Variants in PRRC2A observed in about 807,000 individuals in gnomAD.
PRRC2A encodes the protein protein PRRC2A.
A neutral mutation model predicts 224.6 loss-of-function variants in PRRC2A; 59 were observed. The observed-to-expected ratio is 0.26, with a 90% CI of 0.21 to 0.33. The LOEUF (loss-of-function observed/expected upper bound fraction) is 0.33. Ranked by LOEUF, PRRC2A falls within the 10% of genes least tolerant of loss-of-function variation. The probability of loss-of-function intolerance (pLI) is 1.00; values close to 1 mark genes in which losing one functional copy is unlikely to be tolerated. For synonymous variants in PRRC2A, 1,194 were observed against 1,109.5 expected (o/e 1.08, Z -1.51); for missense variants, 3,095 against 2,880.7 (o/e 1.07, Z -1.70).
rs1421060507 is a variant in PRRC2A at position 31,631,143 on chromosome 6, G to C, written c.2470G>C (p.Glu824Gln). ...TCTTTCTGTCTGTCTCTTCAGGAGCGAGACTCCTCCAGTACCTCCCCCACC... is the reference window on the plus strand; with the variant it reads ...TCTTTCTGTCTGTCTCTTCAGGAGCCAGACTCCTCCAGTACCTCCCCCACC... Reference protein sequence around the residue: ...ADEDDKGMRSETPPVPPPPPY... With the variant: ...ADEDDKGMRSQTPPVPPPPPY... The change falls in exon 16 of 31, where the codon GAG (glutamate) becomes CAG (glutamine). Residue 824 changes from glutamate (E) to glutamine (Q), a missense_variant. Around this residue, in one of 8 missense-constraint regions of PRRC2A, gnomAD observed 2,001 missense variants for 1,764.9 expected, o/e 1.13. Transcript: ENST00000376033. The surrounding 1 kb of genome is among the most constrained non-coding windows in gnomAD (Gnocchi z 4.5). 6.6e-7 allele frequency: 1 copy of C among 1,505,854 alleles called. No homozygotes were observed. Among genetic ancestry groups the C allele is most frequent in the Non-Finnish European group, 8.9e-7 (1 of 1,120,846 alleles). 93.3% of individuals were successfully genotyped at this position (1,505,854 alleles called of 1,614,324 possible).
At position 31,637,036 on chromosome 6, in the gene PRRC2A, C is replaced by T; in HGVS notation, c.6148-6C>T. Reference sequence around the variant, plus strand: ...GGTAGGCAGCTCATGATTTTTTTCCCCTCAGCTGCATCCAGTGGAACTAAA... The same window carrying T: ...GGTAGGCAGCTCATGATTTTTTTCCTCTCAGCTGCATCCAGTGGAACTAAA... On this transcript the variant is annotated splice_region_variant and splice_polypyrimidine_tract_variant and intron_variant, in intron 28 of 30. Transcript: ENST00000376033. The T allele has an allele frequency of 6.3e-7, 1 of 1,597,296 alleles. No individual in the cohort carries two copies. The highest frequency in any genetic ancestry group is 8.5e-7 in the Non-Finnish European group (1 of 1,171,818).
Position 31,627,155 on chromosome 6 carries a change from A to T in PRRC2A, c.1247A>T (p.His416Leu). ...CCAAAGCCTCCCCTACCCCCACCTC[A>T]CCGGGGCCCCGCCGGGAACTGGGGC... Reference protein sequence around the residue: ...PAPKPPLPPPHRGPAGNWGPP... With the variant: ...PAPKPPLPPPLRGPAGNWGPP... Residue 416 changes from histidine (H) to leucine (L), a missense_variant, in exon 11 of 31, where the codon CAC (histidine) becomes CTC (leucine). His to Leu is a moderately conservative substitution (Grantham distance 99, BLOSUM62 -3). Around this residue, in one of 8 missense-constraint regions of PRRC2A, gnomAD observed 2,001 missense variants for 1,764.9 expected, o/e 1.13. Transcript: ENST00000376033. The surrounding 1 kb of genome is among the most constrained non-coding windows in gnomAD (Gnocchi z 5.6). 1 of 1,612,948 alleles carries T rather than the reference A, an allele frequency of 6.2e-7. No homozygotes were observed. The highest frequency in any genetic ancestry group is 8.5e-7 in the Non-Finnish European group (1 of 1,179,702).
In PRRC2A at chr6:31,632,786, A is replaced by G; in HGVS notation, c.4113A>G (p.Gly1371=). 1 of 1,613,102 alleles carries G rather than the reference A, an allele frequency of 6.2e-7. No individual in the cohort carries two copies. Among genetic ancestry groups the G allele is most frequent in the South Asian group, 1.1e-5 (1 of 91,084 alleles). ...CAGGTATTTCAGCCATGTCCCGCGG[A>G]GATCTGAGCCAGAGAGCCAAGGATT... ...AVPGISAMSR[G]DLSQRAKDLS... is the part of the protein sequence containing the mutation. The change falls in exon 16 of 31, where the codon GGA becomes GGG. Residue 1371 remains glycine, a synonymous_variant. Coordinates refer to ENST00000376033, the MANE Select transcript of PRRC2A (RefSeq NM_004638.4).
chr6:31,635,857 AC>A, intron 24 of PRRC2A, 108 bp downstream of exon 24: 1 of 1,447,004 alleles, frequency 6.9e-7, no homozygotes, highest in South Asian at 1.3e-5. Context: ...GTGAGATACC[AC>A]TTTGTCACAT....
At position 31,634,167 on chromosome 6, in the gene PRRC2A, G is replaced by A. The variant is rs1271807265; in HGVS notation, c.4720-69G>A. 2.5e-6 allele frequency: 4 copies of A among 1,571,824 alleles called. No homozygotes were observed. In the African/African-American group the frequency reaches 5.5e-5, roughly 22 times the overall value. ...CCCACACCCTGTGTCACCCCACTCT[G>A]TCCTGGCTTCCTATAATTCCCAATT... On this transcript the variant is annotated intron_variant, in intron 18 of 30. Transcript: ENST00000376033.
chr6:31,636,731 A>G lies in PRRC2A; in HGVS notation c.5935-2A>G. The stretch of plus-strand genomic sequence containing the variant: ...CATGCACACCCAAATTTCTTGTTAC[A>G]GATGCTTCTACCCATGGTAGACTCA... On this transcript the variant is annotated splice_acceptor_variant, in intron 27 of 30. Transcript: ENST00000376033. LOFTEE classifies it high-confidence loss of function. This position sits in a 1 kb window ranked among gnomAD's most constrained non-coding sequence, Gnocchi z 4.3. 1.2e-6 allele frequency: 2 copies of G among 1,607,260 alleles called. No individual in the cohort carries two copies. The highest frequency in any genetic ancestry group is 1.1e-5 in the South Asian group (1 of 91,072).
intron 21 of PRRC2A, 39 bp downstream of exon 21, chr6:31,635,016 A>C: frequency 6.2e-7 from 1 of 1,603,970 alleles, no homozygotes; most frequent in Non-Finnish European, 8.5e-7. Flanking sequence ...TGTTTCCAGG[A>C]ATCTGACTTT....
chr6:31,633,112 ATGTC>A, intron 16 of PRRC2A, 120 bp downstream of exon 16: 1 of 1,325,070 alleles, frequency 7.5e-7, no homozygotes, highest in Non-Finnish European at 1.0e-6. Flanking sequence ...GGGCTCTAGA[ATGTC>A]AGTAGGATTT....
Position 31,636,138 on chromosome 6 carries a change from A to C in PRRC2A, c.5625-71A>C, listed in dbSNP as rs1349591074. 6.4e-7 allele frequency: 1 copy of C among 1,563,876 alleles called. No individual in the cohort carries two copies. Among genetic ancestry groups the C allele is most frequent in the Non-Finnish European group, 8.8e-7 (1 of 1,134,954 alleles). Reference sequence around the variant, plus strand: ...GAAGACACAGTTCTAGGGTACTAGAAGCTAGTGGACTTAAGGCATTGCTAG... The same window carrying C: ...GAAGACACAGTTCTAGGGTACTAGACGCTAGTGGACTTAAGGCATTGCTAG... On this transcript the variant is annotated intron_variant, in intron 25 of 30. Coordinates refer to ENST00000376033, the MANE Select transcript of PRRC2A (RefSeq NM_004638.4). This position sits in a 1 kb window ranked among gnomAD's most constrained non-coding sequence, Gnocchi z 4.3.
At chr6:31,623,302 CT>C in intron 2 of PRRC2A, 1 of 434,812 alleles carries the variant, frequency 2.3e-6, no homozygotes, top group South Asian at 1.9e-5. Context: ...AGTTTAGCTC[CT>C]GTTGCCCAGG....
chr6:31,621,610 C>T (rs577886624), intron 1 of PRRC2A, among the ~76,000 whole-genome samples: 14 of 152,064 alleles, frequency 9.2e-5, no homozygotes, highest in Admixed American at 4.6e-4. Flanking sequence ...ATATATTTAT[C>T]TTCACAGATT....
In PRRC2A at chr6:31,632,339, G is replaced by T. The variant is rs757827180; in HGVS notation, c.3666G>T (p.Ala1222=). 4 of 1,613,418 alleles carry T rather than the reference G, an allele frequency of 2.5e-6. No homozygotes were observed. The highest frequency in any genetic ancestry group is 1.3e-5 in the African/African-American group (1 of 75,052). Residue 1222 remains alanine, a synonymous_variant, in exon 16 of 31, where the codon GCG becomes GCT. Transcript: ENST00000376033. ...TCCCAGGGCCTCTGTCCCCTGTGGC[G>T]CGCGGAGGCAGCAATGGAGGTAGCA... ...KLIPGPLSPV[A]RGGSNGGSNV... is the part of the protein sequence containing the mutation.
chr6:31,630,667 A>C lies in PRRC2A; in HGVS notation c.2331A>C (p.Leu777Phe). ...TTGACCGTCATGCACCTGCTATGTT[A>C]CGGGAACGGGGCACTCCACCGGTGG... ...EPFDRHAPAM[L>F]RERGTPPVDP... Residue 777 changes from leucine (L) to phenylalanine (F), a missense_variant, in exon 15 of 31, where the codon TTA becomes TTC. Leu to Phe is a conservative substitution (Grantham distance 22). Transcript: ENST00000376033. The C allele has an allele frequency of 2.5e-6, 4 of 1,614,000 alleles. No individual in the cohort carries two copies. The highest frequency in any genetic ancestry group is 3.4e-6 in the Non-Finnish European group (4 of 1,179,988).
intron 22 of PRRC2A, 48 bp from the exon 23 acceptor site, chr6:31,635,346 A>G: frequency 1.2e-6 from 2 of 1,613,932 alleles, no homozygotes; most frequent in Non-Finnish European, 1.7e-6. Context: ...GACATAGAGG[A>G]CACATGTCTG....
intron 3 of PRRC2A, 73 bp from the exon 4 acceptor site, chr6:31,624,188 C>G: frequency 7.0e-7 from 1 of 1,431,904 alleles, no homozygotes; most frequent in South Asian, 1.2e-5. Context: ...GATTTCAGTC[C>G]TGAGTCTCCA....
rs773188193 is a variant in PRRC2A at position 31,636,544 on chromosome 6, A to T, written c.5870A>T (p.Tyr1957Phe). ...RQDLPSPSDFYSTPLQPGGQS... is the reference protein window; with the variant it reads ...RQDLPSPSDFFSTPLQPGGQS... The stretch of plus-strand genomic sequence containing the variant: ...GATCTGCCATCCCCTTCGGATTTTT[A>T]TTCTACTCCTCTGCAGCCTGGTGGC... Residue 1957 changes from tyrosine to phenylalanine, a missense_variant, in exon 27 of 31, where the codon TAT becomes TTT. By Grantham distance (22) the Tyr-to-Phe change is conservative. Around this residue, in one of 8 missense-constraint regions of PRRC2A, gnomAD observed 662 missense variants for 609.5 expected, o/e 1.09. Transcript: ENST00000376033. The surrounding 1 kb of genome is among the most constrained non-coding windows in gnomAD (Gnocchi z 4.3). 1 of 1,609,180 alleles carries T rather than the reference A, an allele frequency of 6.2e-7. No individual in the cohort carries two copies. The highest frequency in any genetic ancestry group is 8.5e-7 in the Non-Finnish European group (1 of 1,178,260).
rs1341230417 is a variant in PRRC2A, at chr6:31,636,188, C to T, written c.5625-21C>T. ...GGACTCTGGCTTCCTAACAGCTTTT[C>T]TCCCCACAATTTATTTTCAGATCAC... On this transcript the variant is annotated intron_variant, in intron 25 of 30. Transcript: ENST00000376033. This position sits in a 1 kb window ranked among gnomAD's most constrained non-coding sequence, Gnocchi z 4.3. 2.5e-6 allele frequency: 4 copies of T among 1,605,918 alleles called. No individual in the cohort carries two copies. Among genetic ancestry groups the T allele is most frequent in the Non-Finnish European group, 3.4e-6 (4 of 1,172,802 alleles).
chr6:31,634,954 G>A lies in PRRC2A; in HGVS notation c.5137G>A (p.Ala1713Thr). 4 of 1,612,674 alleles carry A rather than the reference G, an allele frequency of 2.5e-6. No individual in the cohort carries two copies. The highest frequency in any genetic ancestry group is 3.4e-6 in the Non-Finnish European group (4 of 1,179,858). Residue 1713 changes from alanine to threonine, a missense_variant, in exon 21 of 31, where the codon GCC (alanine) becomes ACC (threonine). By Grantham distance (58) the Ala-to-Thr change is moderately conservative. Coordinates refer to ENST00000376033, the MANE Select transcript of PRRC2A (RefSeq NM_004638.4). ...GSEPPRRPPP[A>T]PHDGDRKELP... is the part of the protein sequence containing the mutation. ...TGAACCTCCTAGGAGACCACCACCTGCCCCCCACGATGGGGACAGAAAGGT... is the reference window on the plus strand; with the variant it reads ...TGAACCTCCTAGGAGACCACCACCTACCCCCCACGATGGGGACAGAAAGGT...
chr6:31,622,466 T>G (rs1043131968), intron 1 of PRRC2A, among the ~76,000 whole-genome samples: 10 of 152,198 alleles, frequency 6.6e-5, no homozygotes, highest in African/African-American at 2.2e-4. Flanking sequence ...AGAGTGTTTA[T>G]ACTAGGAGGA....
Sources: gnomAD v4.1 joint callset for allele counts (sites outside exome capture counted in the v4.1 genomes callset) on GRCh38, gnomAD v4.1.1 for gene constraint, gnomAD v4.1.1 regional missense constraint, Gnocchi (gnomAD v3.1) non-coding constraint, MANE v1.5 for transcripts, NCBI Gene and HGNC (gene_info 2026-07-23, HGNC 2026-07-21) for gene names.